Variants in EXT1 observed in about 807,000 individuals in gnomAD.
The protein encoded by EXT1 is exostosin glycosyltransferase 1.
A neutral mutation model predicts 82.5 loss-of-function variants in EXT1; 20 were observed. The ratio of observed to expected loss-of-function variants is 0.24; its 90% CI spans 0.17 to 0.35. EXT1 has a LOEUF of 0.35. Among genes scored for constraint, EXT1 ranks in the 10% least tolerant of loss-of-function variants. EXT1 has a pLI of 1.00. For missense variants in EXT1, 757 were observed against 936.5 expected, an observed-to-expected ratio of 0.81 and a Z score of 2.50; for synonymous variants, 348 against 350.8, an observed-to-expected ratio of 0.99 and a Z score of 0.09.
At chr8:117,885,514 A>C (rs1396836839) in intron 1 of EXT1, among the ~76,000 whole-genome samples, 1 of 141,218 alleles carries the variant, frequency 7.1e-6, no homozygotes, top group Admixed American at 7.2e-5. Context: ...AAAAAAAAAG[A>C]AAGAAAGAAA....
chr8:117,806,779 C>G (rs1236787963), intron 9 of EXT1, among the ~76,000 whole-genome samples: 2 of 152,204 alleles, frequency 1.3e-5, no homozygotes, highest in African/African-American at 2.4e-5. Flanking sequence ...TATCACTTAT[C>G]TCCTTAATAA....
chr8:117,806,395 G>A (rs890173286), intron 9 of EXT1, among the ~76,000 whole-genome samples: 10 of 151,710 alleles, frequency 6.6e-5, no homozygotes, highest in Non-Finnish European at 1.3e-4. Context: ...TACAGTATTC[G>A]GTACAGTGAC....
At chr8:117,830,417 C>A (rs1812079793) in intron 3 of EXT1, 68 bp from the exon 4 acceptor site, 1 of 1,579,696 alleles carries the variant, frequency 6.3e-7, no homozygotes, top group Non-Finnish European at 8.6e-7. Context: ...ATCAAAATAA[C>A]CCAACTGGGT....
intron 1 of EXT1, among the ~76,000 whole-genome samples, chr8:117,983,772 G>A (rs1004798997): frequency 6.6e-6 from 1 of 152,152 alleles, no homozygotes; most frequent in Non-Finnish European, 1.5e-5. Context: ...ATTGTTTCTA[G>A]AGCTAACAAT....
chr8:118,051,713 G>A (rs1816719945), intron 1 of EXT1, among the ~76,000 whole-genome samples: 1 of 152,186 alleles, frequency 6.6e-6, no homozygotes, highest in Non-Finnish European at 1.5e-5. Flanking sequence ...CAAACACGGA[G>A]TGCTGGTCAG....
At chr8:117,866,849 T>G (rs1017685910) in intron 1 of EXT1, among the ~76,000 whole-genome samples, 7 of 151,954 alleles carry the variant, frequency 4.6e-5, no homozygotes, top group African/African-American at 9.7e-5. Context: ...CAGATAGCTT[T>G]CTTTCTTGCT....
intron 1 of EXT1, among the ~76,000 whole-genome samples, chr8:118,065,100 G>C (rs1043206406): frequency 6.6e-6 from 1 of 151,924 alleles, no homozygotes; most frequent in Non-Finnish European, 1.5e-5. Flanking sequence ...TGATCCACCC[G>C]CCTCAGCCTC....
intron 1 of EXT1, among the ~76,000 whole-genome samples, chr8:118,041,661 AGAAAGAAGGAAGGAAG>A (rs1482112378): frequency 1.8e-5 from 2 of 111,202 alleles, no homozygotes; most frequent in African/African-American, 3.5e-5. Context: ...AGAAAGAGAG[AGAAAGAAGGAAGGAAG>A]GAAGGAAGGA....
chr8:118,064,709 G>T (rs978786963), intron 1 of EXT1, among the ~76,000 whole-genome samples: 7 of 152,122 alleles, frequency 4.6e-5, no homozygotes, highest in African/African-American at 1.4e-4. Context: ...TGGGATTGCT[G>T]AGTCAAATGG....
chr8:118,082,735 G>A (rs1817353640), intron 1 of EXT1, among the ~76,000 whole-genome samples: 1 of 152,168 alleles, frequency 6.6e-6, no homozygotes, highest in Non-Finnish European at 1.5e-5. Context: ...ATTATATAGT[G>A]AGCTGAACAC....
At chr8:118,045,065 C>T (rs1295117883) in intron 1 of EXT1, among the ~76,000 whole-genome samples, 1 of 152,190 alleles carries the variant, frequency 6.6e-6, no homozygotes, top group Non-Finnish European at 1.5e-5. Context: ...ATATCGTACA[C>T]AAAGTACAGT....
At chr8:117,866,939 C>G (rs1320159493) in intron 1 of EXT1, among the ~76,000 whole-genome samples, 1 of 152,100 alleles carries the variant, frequency 6.6e-6, no homozygotes, top group East Asian at 1.9e-4. Flanking sequence ...CTTTCCTTGC[C>G]TCTAAGCCAC....
At chr8:118,094,604 TA>T (rs1335524888) in intron 1 of EXT1, among the ~76,000 whole-genome samples, 1 of 152,218 alleles carries the variant, frequency 6.6e-6, no homozygotes, top group African/African-American at 2.4e-5. Context: ...TTACATGTAT[TA>T]TTACTCATTT....
chr8:117,997,553 T>A (rs1815572697), intron 1 of EXT1, among the ~76,000 whole-genome samples: 1 of 151,992 alleles, frequency 6.6e-6, no homozygotes, highest in African/African-American at 2.4e-5. Context: ...TGGTCCATAG[T>A]TTACTAATCT....
chr8:117,821,815 G>T (rs1811928938), intron 5 of EXT1, among the ~76,000 whole-genome samples: 1 of 152,118 alleles, frequency 6.6e-6, no homozygotes, highest in Admixed American at 6.6e-5. Context: ...GAGCAACTGG[G>T]GGTCCAAATA....
intron 1 of EXT1, among the ~76,000 whole-genome samples, chr8:117,874,211 C>T (rs1441053479): frequency 6.6e-6 from 1 of 152,072 alleles, no homozygotes; most frequent in African/African-American, 2.4e-5. Context: ...TGTCATAATG[C>T]ATAATTATGA....
chr8:117,987,652 A>G (rs906554315), intron 1 of EXT1, among the ~76,000 whole-genome samples: 1 of 152,214 alleles, frequency 6.6e-6, no homozygotes, highest in Non-Finnish European at 1.5e-5. Context: ...AAAATGCTCT[A>G]TGTTTAAGTT....
intron 1 of EXT1, among the ~76,000 whole-genome samples, chr8:118,106,081 G>C (rs1345998859): frequency 6.6e-6 from 1 of 152,216 alleles, no homozygotes; most frequent in African/African-American, 2.4e-5. Flanking sequence ...CCCAGAGCAA[G>C]AGTTTGTAAG....
intron 1 of EXT1, among the ~76,000 whole-genome samples, chr8:118,064,966 C>T (rs2129950719): frequency 6.6e-6 from 1 of 151,874 alleles, no homozygotes; most frequent in Middle Eastern, 3.4e-3. Flanking sequence ...GATTCTCCTG[C>T]CTCAGCCTCC....
Sources: allele counts gnomAD v4.1 joint callset (sites outside exome capture counted in the v4.1 genomes callset), GRCh38; gene constraint gnomAD v4.1.1; transcripts MANE v1.5; gene names NCBI Gene and HGNC (gene_info 2026-07-23, HGNC 2026-07-21).